The following CTIF variants were observed in gnomAD, a reference collection of about 807,000 sequenced individuals.
CTIF encodes CBP80/20-dependent translation initiation factor.
Under a neutral mutation model 66.0 loss-of-function variants are expected in CTIF, and 21 were observed. The ratio of observed to expected loss-of-function variants is 0.32; its 90% CI spans 0.23 to 0.46. CTIF has a LOEUF of 0.46. CTIF is among the 20% of genes least tolerant of loss of function. CTIF has a pLI of 1.00. For synonymous variants in CTIF, 345 were observed against 326.4 expected, an observed-to-expected ratio of 1.06 and a Z score of -0.62; for missense variants, 739 against 812.7, an observed-to-expected ratio of 0.91 and a Z score of 1.10.
intron 5 of CTIF, 161 bp from the exon 6 acceptor site, chr18:48,670,508 C>T (rs1421777455): frequency 1.5e-5 from 9 of 595,994 alleles, no homozygotes; most frequent in African/African-American, 3.7e-5. Context: ...ACACACACAG[C>T]TTCTCTAGGG....
At chr18:48,829,261 T>A (rs1008736106) in intron 10 of CTIF, among the ~76,000 whole-genome samples, 1 of 152,166 alleles carries the variant, frequency 6.6e-6, no homozygotes, top group Non-Finnish European at 1.5e-5. Flanking sequence ...GATGCCCTCC[T>A]GCTCACACAC....
chr18:48,758,201 C>G lies in CTIF; in HGVS notation c.867C>G (p.Thr289=), dbSNP rs140482288. 16 of 1,613,634 alleles carry G rather than the reference C, an allele frequency of 9.9e-6. No individual in the cohort carries two copies. Among genetic ancestry groups the G allele is most frequent in the Non-Finnish European group, 8.5e-6 (10 of 1,179,922 alleles). Reference sequence around the variant, plus strand: ...AACTGGAGGACACTGCAGGGGACACCGGGCACAGCAGCCTTGAGGCCCCCC... The same window carrying G: ...AACTGGAGGACACTGCAGGGGACACGGGGCACAGCAGCCTTGAGGCCCCCC... ...NPKLEDTAGD[T]GHSSLEAPRS... Residue 289 remains threonine (T), a synonymous_variant, in exon 8 of 12, where the codon ACC becomes ACG. Transcript: ENST00000256413.
intron 6 of CTIF, among the ~76,000 whole-genome samples, chr18:48,710,013 C>A (rs2092206368): frequency 6.6e-6 from 1 of 152,256 alleles, no homozygotes; most frequent in Admixed American, 6.5e-5. Context: ...CCTCCTGAGT[C>A]TGTTGTTCTC....
intron 6 of CTIF, among the ~76,000 whole-genome samples, chr18:48,671,825 C>T (rs531902912): frequency 1.9e-4 from 28 of 149,780 alleles, no homozygotes; most frequent in African/African-American, 6.4e-4. Context: ...TCTTTCTTTA[C>T]TCTCTGTGTT....
intron 1 of CTIF, among the ~76,000 whole-genome samples, chr18:48,610,347 G>A (rs1444922598): frequency 3.3e-5 from 5 of 151,752 alleles, no homozygotes; most frequent in Non-Finnish European, 5.9e-5. Flanking sequence ...GGGCACCCAG[G>A]GATAAAGCAG....
At chr18:48,591,580 C>T (rs1375180816) in intron 1 of CTIF, among the ~76,000 whole-genome samples, 1 of 152,202 alleles carries the variant, frequency 6.6e-6, no homozygotes, top group East Asian at 1.9e-4. Flanking sequence ...GCTTAGCTCC[C>T]AGTAGCCACT....
At chr18:48,650,664 C>A (rs1237457031) in intron 3 of CTIF, among the ~76,000 whole-genome samples, 2 of 152,078 alleles carry the variant, frequency 1.3e-5, no homozygotes, top group Admixed American at 6.6e-5. Context: ...CCCTAAGACA[C>A]AAAATTGTCA....
At chr18:48,829,530 C>T (rs143265476) in intron 10 of CTIF, among the ~76,000 whole-genome samples, 1,248 of 114,684 alleles carry the variant, frequency 0.011, 19 homozygotes, top group African/African-American at 0.031. Context: ...ACTCTGCAGA[C>T]GTCTGCAGAG....
Position 48,657,137 on chromosome 18 carries a change from A to C in CTIF, c.253-6615A>C, listed in dbSNP as rs562248496. Among the ~76,000 whole-genome samples the C allele has an allele frequency of 1.1e-4, 16 of 152,318 alleles. No homozygotes were observed. The South Asian group carries it at 2.7e-3, about 26-fold the overall frequency. Reference sequence around the variant, plus strand: ...CCCAAAGGGGGTTCCATGGAACCCTAGTCCTGCAAAATTCTCTGTGGAATG... The same window carrying C: ...CCCAAAGGGGGTTCCATGGAACCCTCGTCCTGCAAAATTCTCTGTGGAATG... On this transcript the variant is annotated intron_variant, in intron 3 of 11. Transcript: ENST00000256413.
intron 7 of CTIF, among the ~76,000 whole-genome samples, chr18:48,747,205 T>G (rs536037091): frequency 6.6e-6 from 1 of 152,340 alleles, no homozygotes; most frequent in East Asian, 1.9e-4. Flanking sequence ...TATTCTTCAT[T>G]CGTTAGCTCA....
At chr18:48,831,810 A>AT (rs1381086492) in intron 10 of CTIF, among the ~76,000 whole-genome samples, 2 of 152,194 alleles carry the variant, frequency 1.3e-5, no homozygotes, top group Admixed American at 1.3e-4. Flanking sequence ...CCAATGAGAT[A>AT]TTTTTTACGT....
intron 10 of CTIF, among the ~76,000 whole-genome samples, chr18:48,835,633 A>G (rs1261623562): frequency 6.6e-6 from 1 of 152,218 alleles, no homozygotes; most frequent in Admixed American, 6.5e-5. Context: ...TTCAAGGCAT[A>G]TTCCTGGATT....
chr18:48,831,500 A>G (rs1406395621), intron 10 of CTIF, among the ~76,000 whole-genome samples: 1 of 152,176 alleles, frequency 6.6e-6, no homozygotes, highest in Non-Finnish European at 1.5e-5. Context: ...TGCCCCTCCC[A>G]TGAGGAACGG....
Position 48,664,455 on chromosome 18 carries a change from C to G in CTIF, c.335C>G (p.Thr112Ser). Reference protein sequence around the residue: ...ANTFDSFSGATWDLQPEKLDF... With the variant: ...ANTFDSFSGASWDLQPEKLDF... ...CCTCCCTCGCCCTCTAGTGGTGCCA[C>G]CTGGGACCTGCAGCCGGAAAAGCTG... The change falls in exon 5 of 12, where the codon ACC becomes AGC. Residue 112 changes from threonine (T) to serine (S), a missense_variant. Around this residue, in one of 2 missense-constraint regions of CTIF, gnomAD observed 529 missense variants for 520.3 expected, o/e 1.02. Transcript: ENST00000256413. The G allele has an allele frequency of 1.2e-6, 2 of 1,613,632 alleles. No homozygotes were observed. The highest frequency in any genetic ancestry group is 1.7e-6 in the Non-Finnish European group (2 of 1,179,920).
chr18:48,602,736 C>T (rs957453945), intron 1 of CTIF, among the ~76,000 whole-genome samples: 4 of 152,124 alleles, frequency 2.6e-5, no homozygotes, highest in African/African-American at 9.7e-5. Flanking sequence ...GTTTTGTGTC[C>T]GTAACATTCA....
At chr18:48,834,950 T>G (rs1599133751) in intron 10 of CTIF, among the ~76,000 whole-genome samples, 1 of 152,180 alleles carries the variant, frequency 6.6e-6, no homozygotes, top group South Asian at 2.1e-4. Flanking sequence ...CACTCCAACC[T>G]GCGCTTTAGA....
intron 1 of CTIF, among the ~76,000 whole-genome samples, chr18:48,585,837 C>T (rs576942480): frequency 1.6e-4 from 24 of 152,302 alleles, no homozygotes; most frequent in Non-Finnish European, 2.8e-4. Context: ...CCACTGAGCA[C>T]GCCTGCTACT....
At chr18:48,782,848 C>A (rs989954121) in intron 9 of CTIF, among the ~76,000 whole-genome samples, 1 of 152,148 alleles carries the variant, frequency 6.6e-6, no homozygotes, top group Non-Finnish European at 1.5e-5. Context: ...GAGGAATGCC[C>A]ACGCCTGTGG....
intron 9 of CTIF, among the ~76,000 whole-genome samples, chr18:48,807,084 G>T (rs1248194680): frequency 6.6e-6 from 1 of 152,204 alleles, no homozygotes; most frequent in African/African-American, 2.4e-5. Flanking sequence ...GCTTGTTTCG[G>T]TTGGCAGAAA....
Sources: gnomAD v4.1 joint callset for allele counts (sites outside exome capture counted in the v4.1 genomes callset) on GRCh38, gnomAD v4.1.1 for gene constraint, gnomAD v4.1.1 regional missense constraint, MANE v1.5 for transcripts, NCBI Gene and HGNC (gene_info 2026-07-23, HGNC 2026-07-21) for gene names.